KMT2E: variants seen among roughly 807,000 people sequenced by gnomAD.
KMT2E encodes the protein histone reader KMT2E.
A neutral mutation model predicts 184.6 loss-of-function variants in KMT2E; 30 were observed. The observed-to-expected ratio is 0.16, with a 90% CI of 0.12 to 0.22. KMT2E has a LOEUF of 0.22. Among genes scored for constraint, KMT2E ranks in the 10% least tolerant of loss-of-function variants. The probability of loss-of-function intolerance (pLI) is 1.00; values close to 1 mark genes in which losing one functional copy is unlikely to be tolerated. For synonymous variants in KMT2E, 815 were observed against 776.5 expected (o/e 1.05, Z -0.82); for missense variants, 2,023 against 2,237.4 (o/e 0.90, Z 1.93).
chr7:105,014,927 A>G (rs549825585), intron 1 of KMT2E, among the ~76,000 whole-genome samples: 1 of 151,974 alleles, frequency 6.6e-6, no homozygotes, highest in African/African-American at 2.4e-5. Context: ...CCTTTTCTCA[A>G]CCGCGTCTTG....
chr7:105,064,103 C>A, intron 5 of KMT2E: 1 of 417,814 alleles, frequency 2.4e-6, no homozygotes, highest in Non-Finnish European at 4.8e-6. Flanking sequence ...GAAAGGCCTC[C>A]TCCCCTAGAG....
chr7:105,080,203 C>G (rs899990811), intron 12 of KMT2E, among the ~76,000 whole-genome samples: 1 of 151,856 alleles, frequency 6.6e-6, no homozygotes, highest in Non-Finnish European at 1.5e-5. Context: ...TCAATACATG[C>G]GATGATTTAA....
intron 13 of KMT2E, among the ~76,000 whole-genome samples, chr7:105,082,833 A>G: frequency 6.6e-6 from 1 of 152,200 alleles, no homozygotes. Context: ...AAAGTAAAAA[A>G]TCAGTCTTGA....
Position 105,087,015 on chromosome 7 carries a change from A to G in KMT2E, c.1359-2994A>G, listed in dbSNP as rs144133396. Among the ~76,000 whole-genome samples, 53 of 146,894 alleles carry G rather than the reference A, an allele frequency of 3.6e-4. No homozygotes were observed. The East Asian group carries it at 9.4e-3, about 26-fold the overall frequency. ...GTATATGCTATTTGTTGGCAAATATATAGCATATAATATAATATATGGCAT... is the reference window on the plus strand; with the variant it reads ...GTATATGCTATTTGTTGGCAAATATGTAGCATATAATATAATATATGGCAT... On this transcript the variant is annotated intron_variant, in intron 13 of 26. Coordinates refer to ENST00000311117, the MANE Select transcript of KMT2E (RefSeq NM_182931.3).
Position 105,061,313 on chromosome 7 carries a change from AT to A in KMT2E, c.72-849del, listed in dbSNP as rs149462541. On this transcript the variant is annotated intron_variant, in intron 3 of 26. Transcript: ENST00000311117. Reference sequence around the variant, plus strand: ...AGTTTTAATAGGAGGTAGGATAAAGATTGTCATGAAAAATTTTTCAAGTGAT... The same window carrying A: ...AGTTTTAATAGGAGGTAGGATAAAGATGTCATGAAAAATTTTTCAAGTGAT... Among the ~76,000 whole-genome samples the A allele has an allele frequency of 3.0e-3, 452 of 152,318 alleles. 15 individuals are homozygous for A. The East Asian group carries it at 0.062, about 21-fold the overall frequency.
At chr7:105,059,021 A>C (rs1449253499) in intron 3 of KMT2E, among the ~76,000 whole-genome samples, 1 of 152,204 alleles carries the variant, frequency 6.6e-6, no homozygotes, top group East Asian at 1.9e-4. Flanking sequence ...AAAATTATGT[A>C]TGTGAAATCT....
intron 17 of KMT2E, 53 bp downstream of exon 17, chr7:105,102,247 T>C: frequency 6.8e-7 from 1 of 1,467,328 alleles, no homozygotes; most frequent in Non-Finnish European, 9.1e-7. Flanking sequence ...CTTATATTAA[T>C]TATATTGTTG....
chr7:105,063,434 C>T lies in KMT2E; in HGVS notation c.270C>T (p.Gly90=), dbSNP rs747922090. The part of the protein sequence containing the change: ...PSVLISKNEV[G]IFTTPNFDET... ...TCCTTATTAGCAAAAATGAAGTAGG[C>T]ATATTTACCACTCCTAATTTTGATG... Residue 90 remains glycine, a synonymous_variant, in exon 5 of 27, where the codon GGC becomes GGT. Coordinates refer to ENST00000311117, the MANE Select transcript of KMT2E (RefSeq NM_182931.3). The T allele has an allele frequency of 1.2e-6, 2 of 1,613,768 alleles. No homozygotes were observed. Among genetic ancestry groups the T allele is most frequent in the Non-Finnish European group, 1.7e-6 (2 of 1,179,786 alleles).
chr7:105,075,676 A>G (rs1267794927), intron 8 of KMT2E, among the ~76,000 whole-genome samples: 3 of 151,354 alleles, frequency 2.0e-5, no homozygotes, highest in East Asian at 3.9e-4. Flanking sequence ...TATATAGTCT[A>G]TATACTTTTT....
intron 15 of KMT2E, 115 bp from the exon 16 acceptor site, chr7:105,101,310 T>G: frequency 1.6e-6 from 1 of 619,346 alleles, no homozygotes; most frequent in Admixed American, 3.8e-5. Flanking sequence ...ATAATAGAAG[T>G]AGTTTGCTGA....
chr7:105,049,177 G>A (rs1356198291), intron 3 of KMT2E, among the ~76,000 whole-genome samples: 1 of 152,184 alleles, frequency 6.6e-6, no homozygotes, highest in African/African-American at 2.4e-5. Flanking sequence ...AGGCGTGGTG[G>A]CTCACACCTG....
rs1794621612 is a variant in KMT2E, at chr7:105,014,411, T to G, written c.-313T>G. The G allele has an allele frequency of 6.5e-6, 1 of 153,556 alleles. No homozygotes were observed. The highest frequency in any genetic ancestry group is 1.5e-5 in the Non-Finnish European group (1 of 68,902). 9.5% of individuals were successfully genotyped at this position (153,556 alleles called of 1,614,324 possible). On this transcript the variant is annotated 5_prime_UTR_variant, in exon 1 of 27. Transcript: ENST00000311117. ...CGCTGCTGTTTGGGGAGGGGGTGTG[T>G]GGAGCCGGGTCCTGTGTCCGCAGTG...
chr7:105,111,180 T>C, intron 26 of KMT2E: 1 of 252,706 alleles, frequency 4.0e-6, no homozygotes, highest in Non-Finnish European at 7.4e-6. Context: ...TTCTTAACCA[T>C]CCAATTATCT....
At chr7:105,031,708 T>C (rs1795426308) in intron 1 of KMT2E, among the ~76,000 whole-genome samples, 1 of 151,248 alleles carries the variant, frequency 6.6e-6, no homozygotes, top group Non-Finnish European at 1.5e-5. Flanking sequence ...CTCGAGATTG[T>C]GCTACAGCAC....
In KMT2E at chr7:105,081,698, A is replaced by T; in HGVS notation, c.1259A>T (p.Glu420Val). The change falls in exon 13 of 27, where the codon GAA (glutamate) becomes GTA (valine). Residue 420 changes from glutamate (E) to valine (V), a missense_variant. By Grantham distance (121) the Glu-to-Val change is moderately radical. Around this residue, in one of 8 missense-constraint regions of KMT2E, gnomAD observed 68 missense variants for 133.1 expected, o/e 0.51. Coordinates refer to ENST00000311117, the MANE Select transcript of KMT2E (RefSeq NM_182931.3). ...TATTTTAACTTTTAGGTGAGGCATG[A>T]AATTCAAGATGGAACCATACATCTT... ...SCTPNAEVRH[E>V]IQDGTIHLYI... 2 of 1,462,754 alleles carry T rather than the reference A, an allele frequency of 1.4e-6. No homozygotes were observed. The highest frequency in any genetic ancestry group is 4.0e-5 in the Admixed American group (2 of 50,272). 90.6% of individuals were successfully genotyped at this position (1,462,754 alleles called of 1,614,324 possible).
intron 5 of KMT2E, among the ~76,000 whole-genome samples, chr7:105,065,703 C>T (rs1796999920): frequency 6.6e-6 from 1 of 152,142 alleles, no homozygotes; most frequent in Non-Finnish European, 1.5e-5. Flanking sequence ...CTGCCCCCCT[C>T]TCTCCCTCTT....
intron 13 of KMT2E, among the ~76,000 whole-genome samples, chr7:105,087,210 T>TATA (rs1562918609): frequency 6.8e-6 from 1 of 146,674 alleles, no homozygotes; most frequent in African/African-American, 2.5e-5. Context: ...TATATGCTTA[T>TATA]ATAATATATA....
At chr7:105,033,805 GT>G (rs1795524311) in intron 1 of KMT2E, among the ~76,000 whole-genome samples, 1 of 151,982 alleles carries the variant, frequency 6.6e-6, no homozygotes, top group Admixed American at 6.6e-5. Flanking sequence ...GGCCCAAAGG[GT>G]TTTTAGTTCA....
Position 105,106,068 on chromosome 7 carries a change from C to T in KMT2E, c.2596+65C>T, listed in dbSNP as rs577709192. 2.8e-6 allele frequency: 4 copies of T among 1,427,782 alleles called. No individual in the cohort carries two copies. In the African/African-American group the frequency reaches 5.2e-5, roughly 19 times the overall value. The allele number at this position is 1,427,782 out of a possible 1,614,324, so 88.4% of individuals were successfully genotyped here. ...GCAGGGCATACATACAGCTTTATAA[C>T]AGGCATATTTCTAGTTACTGGTATG... On this transcript the variant is annotated intron_variant, in intron 19 of 26. Transcript: ENST00000311117.
Sources: allele counts gnomAD v4.1 joint callset (sites outside exome capture counted in the v4.1 genomes callset), GRCh38; gene constraint gnomAD v4.1.1; regional missense constraint gnomAD v4.1.1; transcripts MANE v1.5; gene names NCBI Gene and HGNC (gene_info 2026-07-23, HGNC 2026-07-21).